The following FER variants were observed in gnomAD, a reference collection of about 807,000 sequenced individuals.
The protein encoded by FER is tyrosine-protein kinase Fer.
FER carries 63 observed loss-of-function variants against 111.0 expected under a neutral mutation model. The ratio of observed to expected loss-of-function variants is 0.57; its 90% CI spans 0.46 to 0.70. FER has a LOEUF of 0.70. Among genes scored for constraint, FER ranks in the 30% least tolerant of loss-of-function variants. FER has a pLI of 0.00. For synonymous variants in FER, 327 were observed against 313.9 expected, an observed-to-expected ratio of 1.04 and a Z score of -0.44; for missense variants, 914 against 954.0, an observed-to-expected ratio of 0.96 and a Z score of 0.55.
chr5:108,810,393 C>G (rs1373629846), intron 3 of FER, among the ~76,000 whole-genome samples: 1 of 152,194 alleles, frequency 6.6e-6, no homozygotes, highest in Non-Finnish European at 1.5e-5. Flanking sequence ...CCCTGCTCAC[C>G]TCTCCAGGCT....
chr5:108,790,742 A>G lies in FER; in HGVS notation c.-59-7382A>G, dbSNP rs145601685. On this transcript the variant is annotated intron_variant, in intron 2 of 19. Coordinates refer to ENST00000281092, the MANE Select transcript of FER (RefSeq NM_005246.4). ...CATTCACAGTTATGCAGGCACTACT[A>G]CAATCAATGTTAGAACATTTTCATC... is the stretch of plus-strand genomic sequence containing the variant. 4.5e-3 allele frequency among the ~76,000 whole-genome samples: 689 copies of G among 152,338 alleles called. 4 individuals carry two copies. Among genetic ancestry groups the G allele is most frequent in the African/African-American group, 0.016 (649 of 41,570 alleles).
chr5:108,759,142 G>C (rs564939568), intron 1 of FER, among the ~76,000 whole-genome samples: 5 of 152,308 alleles, frequency 3.3e-5, no homozygotes, highest in African/African-American at 1.2e-4. Context: ...CCAGTTTTCA[G>C]TGATAGAAGG....
At chr5:109,038,229 A>T (rs1049048455) in intron 14 of FER, among the ~76,000 whole-genome samples, 2 of 150,770 alleles carry the variant, frequency 1.3e-5, no homozygotes, top group African/African-American at 2.5e-5. Context: ...TCAGTGACTT[A>T]ATTAGTGATT....
rs1407454366 is a variant in FER at position 109,191,213 on chromosome 5, TCA to T, written c.*3641_*3642del. 1.3e-5 allele frequency: 2 copies of T among 152,182 alleles called. No homozygotes were observed. The highest frequency in any genetic ancestry group is 2.4e-5 in the African/African-American group (1 of 41,456). 9.4% of individuals were successfully genotyped at this position (152,182 alleles called of 1,614,324 possible). On this transcript the variant is annotated 3_prime_UTR_variant, in exon 20 of 20. Coordinates refer to ENST00000281092, the MANE Select transcript of FER (RefSeq NM_005246.4). ...ACAATACAAATATCTGAATCATAAG[TCA>T]CAGTTTTTCAGGGTTCTTTCAGTCA... is the stretch of plus-strand genomic sequence containing the variant.
intron 2 of FER, among the ~76,000 whole-genome samples, chr5:108,781,796 G>C (rs547523758): frequency 7.7e-4 from 118 of 152,264 alleles, no homozygotes; most frequent in African/African-American, 2.7e-3. Context: ...GTTAGACTCT[G>C]ATAGAACCCC....
At chr5:109,151,131 A>G (rs959708325) in intron 17 of FER, among the ~76,000 whole-genome samples, 1 of 152,098 alleles carries the variant, frequency 6.6e-6, no homozygotes, top group East Asian at 1.9e-4. Context: ...CTGCCGTGCT[A>G]TACTTTTTTG....
intron 13 of FER, among the ~76,000 whole-genome samples, chr5:108,985,119 A>G (rs1303822862): frequency 2.0e-5 from 3 of 152,158 alleles, no homozygotes; most frequent in African/African-American, 4.8e-5. Context: ...GAAACATACT[A>G]CAAATTCAGG....
intron 16 of FER, among the ~76,000 whole-genome samples, chr5:109,081,515 G>GA (rs1476408292): frequency 6.6e-6 from 1 of 151,754 alleles, no homozygotes; most frequent in Non-Finnish European, 1.5e-5. Flanking sequence ...AATTCTAATA[G>GA]AAAATCTCCA....
chr5:109,107,140 A>G (rs1749031880), intron 17 of FER, among the ~76,000 whole-genome samples: 1 of 152,096 alleles, frequency 6.6e-6, no homozygotes, highest in African/African-American at 2.4e-5. Context: ...TAGAAGAGAA[A>G]ATTGGCTGAT....
chr5:109,165,536 G>A (rs1756437345), intron 17 of FER, among the ~76,000 whole-genome samples: 1 of 151,912 alleles, frequency 6.6e-6, no homozygotes, highest in African/African-American at 2.4e-5. Flanking sequence ...CTCAGATGAG[G>A]GAAGGGTCAC....
chr5:109,078,847 A>G (rs1252602672), intron 16 of FER, among the ~76,000 whole-genome samples: 1 of 152,186 alleles, frequency 6.6e-6, no homozygotes, highest in East Asian at 1.9e-4. Context: ...TTATGACTTA[A>G]TAAGTCCATA....
intron 8 of FER, among the ~76,000 whole-genome samples, chr5:108,874,289 C>T (rs1406614977): frequency 4.6e-5 from 7 of 151,808 alleles, no homozygotes; most frequent in African/African-American, 2.4e-5. Context: ...ATAATGAGAC[C>T]AAAATTAGGT....
At chr5:109,154,858 C>T (rs1312550981) in intron 17 of FER, among the ~76,000 whole-genome samples, 1 of 151,744 alleles carries the variant, frequency 6.6e-6, no homozygotes. Context: ...TAGACATACG[C>T]TATAATAACA....
At chr5:108,819,885 G>A (rs1758665951) in intron 3 of FER, 1 of 983,846 alleles carries the variant, frequency 1.0e-6, no homozygotes, top group African/African-American at 1.7e-5. Flanking sequence ...AAAAAAGATA[G>A]ATAAGGCAGT....
chr5:108,982,173 G>A (rs928439146), intron 13 of FER, among the ~76,000 whole-genome samples: 6 of 152,082 alleles, frequency 3.9e-5, no homozygotes, highest in South Asian at 2.1e-4. Context: ...AGCTTTCTGC[G>A]TTTTAATGAC....
intron 17 of FER, among the ~76,000 whole-genome samples, chr5:109,147,796 T>G (rs1035287917): frequency 0.042 from 4,986 of 117,810 alleles, 102 homozygotes; most frequent in Middle Eastern, 0.053. Context: ...TATATATATA[T>G]ATATAGAGAG....
At chr5:109,092,654 C>T (rs141812076) in intron 16 of FER, among the ~76,000 whole-genome samples, 15 of 152,108 alleles carry the variant, frequency 9.9e-5, no homozygotes, top group Admixed American at 3.9e-4. Flanking sequence ...TGTGCATTGC[C>T]GTTATAATCG....
chr5:108,997,181 A>G (rs1764098837), intron 13 of FER, among the ~76,000 whole-genome samples: 2 of 151,696 alleles, frequency 1.3e-5, no homozygotes, highest in South Asian at 4.2e-4. Flanking sequence ...CGAGGCAGGC[A>G]GATCACAAGG....
intron 13 of FER, among the ~76,000 whole-genome samples, chr5:109,013,650 G>A (rs1389958625): frequency 6.6e-6 from 1 of 151,560 alleles, no homozygotes; most frequent in Non-Finnish European, 1.5e-5. Context: ...CTGAGGAATC[G>A]CCACACTGAC....
Sources: gnomAD v4.1 joint callset for allele counts (sites outside exome capture counted in the v4.1 genomes callset) on GRCh38, gnomAD v4.1.1 for gene constraint, MANE v1.5 for transcripts, NCBI Gene and HGNC (gene_info 2026-07-23, HGNC 2026-07-21) for gene names.